The following KCNH7 variants were observed in gnomAD, a reference collection of about 807,000 sequenced individuals.
KCNH7 encodes the protein voltage-gated inwardly rectifying potassium channel KCNH7.
A neutral mutation model predicts 120.8 loss-of-function variants in KCNH7; 49 were observed. The observed-to-expected ratio is 0.41, with a 90% CI of 0.32 to 0.51. The LOEUF (loss-of-function observed/expected upper bound fraction) is 0.51. Ranked by LOEUF, KCNH7 falls within the 20% of genes least tolerant of loss-of-function variation. The pLI is 0.38. For missense variants in KCNH7, 1,097 were observed against 1,446.6 expected, an observed-to-expected ratio of 0.76 and a Z score of 3.92; for synonymous variants, 547 against 516.1, an observed-to-expected ratio of 1.06 and a Z score of -0.81.
At chr2:162,397,528 T>G (rs1686950272) in intron 10 of KCNH7, among the ~76,000 whole-genome samples, 1 of 151,900 alleles carries the variant, frequency 6.6e-6, no homozygotes, top group Non-Finnish European at 1.5e-5. Flanking sequence ...TCCTGCTTTT[T>G]GTTATATGGC....
chr2:162,430,008 C>T (rs1000450133), intron 8 of KCNH7, among the ~76,000 whole-genome samples: 1 of 151,452 alleles, frequency 6.6e-6, no homozygotes, highest in Non-Finnish European at 1.5e-5. Flanking sequence ...ATATTGGGCA[C>T]TATACATTTA....
intron 2 of KCNH7, among the ~76,000 whole-genome samples, chr2:162,684,416 T>C (rs1325897728): frequency 6.6e-6 from 1 of 152,008 alleles, no homozygotes; most frequent in East Asian, 1.9e-4. Context: ...ACAGGCAACC[T>C]ACGGAAAGGG....
chr2:162,647,837 CA>C (rs1684421750), intron 2 of KCNH7, among the ~76,000 whole-genome samples: 1 of 151,924 alleles, frequency 6.6e-6, no homozygotes, highest in Admixed American at 6.6e-5. Flanking sequence ...GTTTGTGATC[CA>C]AAAAACCCTA....
chr2:162,629,885 T>C (rs1416491136), intron 2 of KCNH7, among the ~76,000 whole-genome samples: 1 of 152,070 alleles, frequency 6.6e-6, no homozygotes, highest in African/African-American at 2.4e-5. Context: ...GATATAACAA[T>C]ACTAGAATTT....
At chr2:162,508,598 T>G (rs1690961506) in intron 5 of KCNH7, among the ~76,000 whole-genome samples, 2 of 151,406 alleles carry the variant, frequency 1.3e-5, no homozygotes, top group South Asian at 4.1e-4. Context: ...TAAATGCAAA[T>G]GAAAAAAATT....
At chr2:162,373,290 T>C (rs1240098094) in intron 15 of KCNH7, among the ~76,000 whole-genome samples, 180 bp downstream of exon 15, 1 of 152,166 alleles carries the variant, frequency 6.6e-6, no homozygotes, top group Non-Finnish European at 1.5e-5. Flanking sequence ...AACATAAAAA[T>C]CAGCGTGGGC....
intron 8 of KCNH7, among the ~76,000 whole-genome samples, chr2:162,427,496 T>C (rs183767331): frequency 7.7e-4 from 117 of 152,126 alleles, no homozygotes; most frequent in Admixed American, 1.9e-3. Context: ...ATCATTCATA[T>C]ATATTTTGTG....
At chr2:162,748,102 C>A (rs1470147889) in intron 2 of KCNH7, among the ~76,000 whole-genome samples, 1 of 152,118 alleles carries the variant, frequency 6.6e-6, no homozygotes, top group Non-Finnish European at 1.5e-5. Flanking sequence ...AAGCACTAAA[C>A]ACTAAACACG....
chr2:162,405,298 C>A (rs553764568), intron 9 of KCNH7, among the ~76,000 whole-genome samples: 1 of 151,962 alleles, frequency 6.6e-6, no homozygotes, highest in South Asian at 2.1e-4. Flanking sequence ...GAAATGCTTT[C>A]TGTGATTGTT....
intron 2 of KCNH7, among the ~76,000 whole-genome samples, chr2:162,749,924 A>T (rs1360875430): frequency 2.0e-5 from 3 of 152,224 alleles, no homozygotes; most frequent in Non-Finnish European, 4.4e-5. Flanking sequence ...TAATAGAAAT[A>T]GGTAAATCTT....
chr2:162,698,624 T>C (rs1686381798), intron 2 of KCNH7, among the ~76,000 whole-genome samples: 1 of 152,114 alleles, frequency 6.6e-6, no homozygotes, highest in African/African-American at 2.4e-5. Flanking sequence ...CCGCTTCACA[T>C]CAAACAGACC....
chr2:162,753,000 AAAGAAAAGAAAAGAAAAGAAAAG>A, intron 2 of KCNH7, among the ~76,000 whole-genome samples: 1 of 146,490 alleles, frequency 6.8e-6, no homozygotes, highest in African/African-American at 2.6e-5. Context: ...AAAGAAAAGA[AAAGAAAAGAAAAGAAAAGAAAAG>A]AAAAGAAACC....
intron 2 of KCNH7, among the ~76,000 whole-genome samples, chr2:162,686,549 C>G (rs1685899864): frequency 6.6e-6 from 1 of 152,068 alleles, no homozygotes; most frequent in African/African-American, 2.4e-5. Context: ...TCATGTTTTA[C>G]AAATGTTTGT....
At chr2:162,432,354 G>A (rs747075307) in intron 8 of KCNH7, among the ~76,000 whole-genome samples, 5 of 151,832 alleles carry the variant, frequency 3.3e-5, no homozygotes, top group African/African-American at 7.3e-5. Flanking sequence ...TGTCTTAATA[G>A]TTATTGAAAT....
At chr2:162,598,907 A>G (rs538221299) in intron 2 of KCNH7, among the ~76,000 whole-genome samples, 1 of 152,260 alleles carries the variant, frequency 6.6e-6, no homozygotes, top group South Asian at 2.1e-4. Context: ...AGTTTGAGAA[A>G]ATATTATAAT....
chr2:162,471,939 C>G (rs1272406798), intron 6 of KCNH7, among the ~76,000 whole-genome samples: 1 of 152,170 alleles, frequency 6.6e-6, no homozygotes, highest in Non-Finnish European at 1.5e-5. Context: ...TACCACACAT[C>G]TACAACCATC....
At chr2:162,602,233 C>A (rs1694583162) in intron 2 of KCNH7, among the ~76,000 whole-genome samples, 1 of 151,906 alleles carries the variant, frequency 6.6e-6, no homozygotes, top group Admixed American at 6.6e-5. Context: ...CGAGTGAGAG[C>A]CAAACCACAA....
intron 2 of KCNH7, among the ~76,000 whole-genome samples, chr2:162,570,017 G>A (rs1489480692): frequency 1.4e-5 from 2 of 139,462 alleles, no homozygotes; most frequent in Non-Finnish European, 1.5e-5. Flanking sequence ...TTGATTTGGG[G>A]TGGAGAGTTC....
chr2:162,458,857 T>C (rs1689058506), intron 6 of KCNH7, among the ~76,000 whole-genome samples: 2 of 151,606 alleles, frequency 1.3e-5, no homozygotes, highest in South Asian at 4.2e-4. Context: ...TACAAAACAA[T>C]TAGTTGGGCG....
Sources: gnomAD v4.1 joint callset for allele counts (sites outside exome capture counted in the v4.1 genomes callset) on GRCh38, gnomAD v4.1.1 for gene constraint, MANE v1.5 for transcripts, NCBI Gene and HGNC (gene_info 2026-07-23, HGNC 2026-07-21) for gene names.